SYT16: variants seen among roughly 807,000 people sequenced by gnomAD.
SYT16 encodes synaptotagmin-16.
Under a neutral mutation model 61.4 loss-of-function variants are expected in SYT16, and 42 were observed. The ratio of observed to expected loss-of-function variants is 0.68; its 90% CI spans 0.53 to 0.89. The LOEUF is 0.89. SYT16 is among the 40% of genes least tolerant of loss of function. SYT16 has a pLI of 0.00. For synonymous variants in SYT16, 314 were observed against 302.3 expected (o/e 1.04, Z -0.40); for missense variants, 804 against 807.3 (o/e 1.00, Z 0.05).
At chr14:61,973,938 G>A (rs41353044) in intron 2 of SYT16, among the ~76,000 whole-genome samples, 1,760 of 152,212 alleles carry the variant, frequency 0.012, 35 homozygotes, top group African/African-American at 0.04. Context: ...CAGTCAGGCC[G>A]GTTGTGATAA....
At chr14:62,042,614 A>G (rs561186376) in intron 3 of SYT16, among the ~76,000 whole-genome samples, 96 of 152,336 alleles carry the variant, frequency 6.3e-4, no homozygotes, top group Admixed American at 4.9e-3. Context: ...GTTCCTGCCA[A>G]TCATTTCAAG....
intron 3 of SYT16, among the ~76,000 whole-genome samples, chr14:62,000,199 A>G (rs184262252): frequency 4.8e-4 from 60 of 124,210 alleles, no homozygotes; most frequent in African/African-American, 1.8e-3. Flanking sequence ...GGATTTGGCT[A>G]TTTCTCTTTT....
chr14:62,007,919 T>A lies in SYT16; in HGVS notation c.523+11377T>A, dbSNP rs61614894. Among the ~76,000 whole-genome samples the A allele has an allele frequency of 4.8e-3, 733 of 151,458 alleles. 3 individuals are homozygous for A. The highest frequency in any genetic ancestry group is 0.017 in the African/African-American group (689 of 41,156). ...GTGGAATCACTTGATAATTTTTTTT[T>A]AAAAAAGCTCAGAAGTTTTCCTTGC... On this transcript the variant is annotated intron_variant, in intron 3 of 7. Transcript: ENST00000683842.
intron 2 of SYT16, among the ~76,000 whole-genome samples, chr14:61,983,370 T>G (rs1756341279): frequency 6.6e-6 from 1 of 152,202 alleles, no homozygotes; most frequent in African/African-American, 2.4e-5. Flanking sequence ...TTTTGGGCAC[T>G]TTGAGGTTTA....
chr14:61,948,129 A>G (rs984888972), intron 1 of SYT16, among the ~76,000 whole-genome samples: 2 of 152,204 alleles, frequency 1.3e-5, no homozygotes, highest in African/African-American at 2.4e-5. Flanking sequence ...GGAGAGCCCT[A>G]GAAGCTTTTA....
chr14:62,094,528 T>C (rs920749364), intron 7 of SYT16, among the ~76,000 whole-genome samples: 8 of 152,148 alleles, frequency 5.3e-5, no homozygotes, highest in African/African-American at 1.7e-4. Flanking sequence ...ATATGGATTA[T>C]GGATCTTCGC....
At chr14:61,945,582 G>A (rs373304705) in intron 1 of SYT16, among the ~76,000 whole-genome samples, 17 of 152,214 alleles carry the variant, frequency 1.1e-4, no homozygotes, top group South Asian at 2.1e-4. Flanking sequence ...GGGGCCAGGC[G>A]CGGTGGCTCA....
intron 3 of SYT16, among the ~76,000 whole-genome samples, chr14:62,064,043 C>G (rs59682678): frequency 6.6e-6 from 1 of 151,996 alleles, no homozygotes; most frequent in African/African-American, 2.4e-5. Flanking sequence ...AACTTTTTTT[C>G]TGTCACATTA....
At chr14:61,902,587 A>G (rs1469249938) in intron 1 of SYT16, among the ~76,000 whole-genome samples, 3 of 152,218 alleles carry the variant, frequency 2.0e-5, no homozygotes, top group Admixed American at 6.5e-5. Flanking sequence ...AGCTGGAAGT[A>G]TAAGATCAAG....
chr14:61,819,791 G>T (rs1024409016), intron 1 of SYT16, among the ~76,000 whole-genome samples: 33 of 152,192 alleles, frequency 2.2e-4, no homozygotes, highest in African/African-American at 2.4e-5. Flanking sequence ...CCTGAGTCGT[G>T]AACTCTGGTC....
At position 62,104,682 on chromosome 14, in the gene SYT16, A is replaced by G. The variant is rs1424712690; in HGVS notation, c.*3975A>G. ...GGGAGAAACGAAACTGTGCTAAGAC[A>G]ATGAGATTGGCATAGCACAGTGAAG... On this transcript the variant is annotated 3_prime_UTR_variant, in exon 8 of 8. Coordinates refer to ENST00000683842, the MANE Select transcript of SYT16 (RefSeq NM_001367656.1). The G allele has an allele frequency of 6.6e-6, 1 of 152,236 alleles. No individual in the cohort carries two copies. The highest frequency in any genetic ancestry group is 1.5e-5 in the Non-Finnish European group (1 of 68,046). The allele number at this position is 152,236 out of a possible 1,614,324, so 9.4% of individuals were successfully genotyped here. A position where few individuals can be genotyped will look rare whatever the true frequency, so the allele number is the denominator to read the frequency against.
chr14:61,882,018 T>C (rs536266223), intron 1 of SYT16, among the ~76,000 whole-genome samples: 4 of 152,202 alleles, frequency 2.6e-5, no homozygotes, highest in Non-Finnish European at 5.9e-5. Context: ...TGGCATGCCA[T>C]TATATTGAAT....
chr14:61,918,263 T>A (rs534003537), intron 1 of SYT16, among the ~76,000 whole-genome samples: 7 of 152,146 alleles, frequency 4.6e-5, no homozygotes, highest in Non-Finnish European at 8.8e-5. Flanking sequence ...GTGTCCTGAT[T>A]AGAAGGACCC....
chr14:62,002,434 C>T (rs1217756099), intron 3 of SYT16, among the ~76,000 whole-genome samples: 2 of 98,656 alleles, frequency 2.0e-5, no homozygotes, highest in African/African-American at 9.7e-5. Context: ...GAGTGTCTCT[C>T]CTTTCAGGCT....
chr14:62,019,243 C>A (rs538681662), intron 3 of SYT16, among the ~76,000 whole-genome samples: 41 of 152,306 alleles, frequency 2.7e-4, no homozygotes, highest in African/African-American at 9.1e-4. Context: ...GATCATCTAG[C>A]AGAATTAGAA....
At chr14:61,906,766 A>AATCC (rs1272576479) in intron 1 of SYT16, among the ~76,000 whole-genome samples, 6 of 76,694 alleles carry the variant, frequency 7.8e-5, no homozygotes, top group Admixed American at 2.5e-4. Flanking sequence ...TCCGTCCGTC[A>AATCC]ATCCATCCAT....
chr14:61,980,676 T>G (rs1277848909), intron 2 of SYT16, among the ~76,000 whole-genome samples: 1 of 152,146 alleles, frequency 6.6e-6, no homozygotes, highest in Non-Finnish European at 1.5e-5. Context: ...AAGAGAGTTG[T>G]AGTCCCTACT....
Position 62,016,539 on chromosome 14 carries a change from CAAAAAAA to C in SYT16, c.523+20015_523+20021del, listed in dbSNP as rs10610233. Among the ~76,000 whole-genome samples, 50 of 97,270 alleles carry C rather than the reference CAAAAAAA, an allele frequency of 5.1e-4. 1 individual carries two copies. The highest frequency in any genetic ancestry group is 0.01 in the Middle Eastern group (2 of 194). 63.8% of individuals were successfully genotyped at this position (97,270 alleles called of 152,430 possible). ...TGAAACCCTGTCTCTTCTAAAAATA[CAAAAAAA>C]AAAAAAAAAAAAAAAAATTAGCCGG... On this transcript the variant is annotated intron_variant, in intron 3 of 7. Coordinates refer to ENST00000683842, the MANE Select transcript of SYT16 (RefSeq NM_001367656.1).
At chr14:62,059,270 A>T (rs188637902) in intron 3 of SYT16, among the ~76,000 whole-genome samples, 1 of 152,220 alleles carries the variant, frequency 6.6e-6, no homozygotes, top group Non-Finnish European at 1.5e-5. Flanking sequence ...ATTTATCGGT[A>T]TCTCATGTGA....
Sources: gnomAD v4.1 joint callset for allele counts (sites outside exome capture counted in the v4.1 genomes callset) on GRCh38, gnomAD v4.1.1 for gene constraint, MANE v1.5 for transcripts, NCBI Gene and HGNC (gene_info 2026-07-23, HGNC 2026-07-21) for gene names.